The following PTK2 variants were observed in gnomAD, a reference collection of about 807,000 sequenced individuals.
PTK2 encodes the protein protein tyrosine kinase 2, also known as focal adhesion kinase 1.
A neutral mutation model predicts 150.1 loss-of-function variants in PTK2; 45 were observed. The observed-to-expected ratio is 0.30, with a 90% CI of 0.24 to 0.38. PTK2 has a LOEUF of 0.38. Among genes scored for constraint, PTK2 ranks in the 10% least tolerant of loss-of-function variants. The pLI is 1.00. For missense variants in PTK2, 919 were observed against 1,307.3 expected, an observed-to-expected ratio of 0.70 and a Z score of 4.58; for synonymous variants, 432 against 449.2, an observed-to-expected ratio of 0.96 and a Z score of 0.48.
intron 2 of PTK2, among the ~76,000 whole-genome samples, chr8:140,904,785 T>C (rs749607484): frequency 9.8e-5 from 15 of 152,340 alleles, no homozygotes; most frequent in African/African-American, 2.6e-4. Context: ...TTTATTTGCA[T>C]AGAGGTGTTT....
At chr8:140,682,890 A>C (rs549182809) in intron 27 of PTK2, among the ~76,000 whole-genome samples, 2 of 152,142 alleles carry the variant, frequency 1.3e-5, no homozygotes, top group African/African-American at 4.8e-5. Context: ...AACATCTACA[A>C]CAAAAAGTTA....
intron 14 of PTK2, among the ~76,000 whole-genome samples, chr8:140,774,855 G>C (rs2100077506): frequency 1.3e-5 from 2 of 152,202 alleles, no homozygotes; most frequent in Admixed American, 1.3e-4. Flanking sequence ...CAAATGCCAT[G>C]GCAAGGTCAG....
intron 8 of PTK2, 106 bp downstream of exon 8, chr8:140,830,366 G>A (rs1307818074): frequency 2.9e-6 from 2 of 686,624 alleles, no homozygotes; most frequent in South Asian, 3.9e-5. Flanking sequence ...TATTTTACAT[G>A]TAAGGAAGGA....
At chr8:140,907,613 G>A (rs952109638) in intron 2 of PTK2, among the ~76,000 whole-genome samples, 3 of 152,068 alleles carry the variant, frequency 2.0e-5, no homozygotes, top group South Asian at 4.2e-4. Context: ...TGCATCGAGC[G>A]AGTCTATGGG....
chr8:140,746,094 G>A (rs2100058573), intron 18 of PTK2, among the ~76,000 whole-genome samples: 1 of 152,118 alleles, frequency 6.6e-6, no homozygotes, highest in Non-Finnish European at 1.5e-5. Context: ...CACTTTGCGA[G>A]GCCGAGGCAG....
intron 16 of PTK2, among the ~76,000 whole-genome samples, chr8:140,755,427 C>T (rs1430552525): frequency 1.3e-5 from 2 of 152,122 alleles, no homozygotes; most frequent in East Asian, 1.9e-4. Context: ...CCCTCTACTC[C>T]GCGGCCACAC....
intron 10 of PTK2, among the ~76,000 whole-genome samples, chr8:140,809,798 C>T (rs930678866): frequency 3.3e-5 from 5 of 151,958 alleles, no homozygotes; most frequent in South Asian, 2.1e-4. Context: ...AGGGTGAGAC[C>T]GTGTCTCAAA....
At chr8:140,730,226 A>AT (rs2100048391) in intron 22 of PTK2, among the ~76,000 whole-genome samples, 1 of 152,212 alleles carries the variant, frequency 6.6e-6, no homozygotes, top group Admixed American at 6.5e-5. Context: ...AACACTTACT[A>AT]TATCCTCTCT....
At chr8:140,865,600 T>TATAA (rs1208173261) in intron 4 of PTK2, among the ~76,000 whole-genome samples, 1 of 152,228 alleles carries the variant, frequency 6.6e-6, no homozygotes, top group Non-Finnish European at 1.5e-5. Context: ...TGCTAAGACT[T>TATAA]ATAAATGTCC....
chr8:140,668,356 C>G (rs1421436539), exon 30 of PTK2: 2 of 1,613,974 alleles, frequency 1.2e-6, no homozygotes, highest in Admixed American at 3.3e-5. Flanking sequence ...CCGTCACATT[C>G]TCGTACACCT....
exon 6 of PTK2, chr8:140,846,658 T>C (rs758918687): frequency 1.2e-6 from 2 of 1,611,162 alleles, no homozygotes; most frequent in South Asian, 2.2e-5. Flanking sequence ...CAGCTATCTC[T>C]AACATATAAT....
intron 6 of PTK2, 72 bp from the exon 7 acceptor site, chr8:140,846,394 G>A (rs1265727973): frequency 1.4e-6 from 2 of 1,465,350 alleles, no homozygotes; most frequent in Admixed American, 1.8e-5. Context: ...ATAAAAACTG[G>A]GGGAGAGGCA....
intron 1 of PTK2, among the ~76,000 whole-genome samples, chr8:140,962,694 T>C (rs1172888347): frequency 2.0e-5 from 3 of 151,674 alleles, no homozygotes; most frequent in Non-Finnish European, 4.4e-5. Flanking sequence ...AGGCAGAGAA[T>C]GGCGTGAATC....
chr8:140,760,709 A>G (rs924377407), intron 16 of PTK2, among the ~76,000 whole-genome samples: 1 of 152,228 alleles, frequency 6.6e-6, no homozygotes, highest in Non-Finnish European at 1.5e-5. Context: ...GTACACTTCA[A>G]AAGAGTGAAC....
chr8:140,984,249 TAAC>T (rs2100192501), intron 1 of PTK2: 1 of 152,506 alleles, frequency 6.6e-6, no homozygotes. Context: ...TTAGAAAACT[TAAC>T]AAACAAGCCC....
intron 7 of PTK2, among the ~76,000 whole-genome samples, chr8:140,831,317 G>C (rs1423180315): frequency 6.6e-6 from 1 of 152,144 alleles, no homozygotes; most frequent in African/African-American, 2.4e-5. Flanking sequence ...TAATGCCTCT[G>C]ACGACATTAA....
intron 7 of PTK2, among the ~76,000 whole-genome samples, chr8:140,832,054 T>A (rs1351699063): frequency 6.6e-6 from 1 of 152,194 alleles, no homozygotes; most frequent in Non-Finnish European, 1.5e-5. Context: ...TATTTTCATA[T>A]CAGAGTGTTT....
rs570572604 is a variant in PTK2, at chr8:140,849,334, T to C, written c.451-2656A>G. ...TCAATGCTCCCTGTCATCTAGGCTC[T>C]AGAGAGTGTTCTCTCAAGCCACTGG... On this transcript the variant is annotated intron_variant, in intron 5 of 31. Coordinates refer to ENST00000522684, the Ensembl canonical transcript of PTK2. Among the ~76,000 whole-genome samples the C allele has an allele frequency of 4.6e-5, 7 of 152,336 alleles. No individual in the cohort carries two copies. In the South Asian group the frequency reaches 1.4e-3, roughly 32 times the overall value.
At chr8:140,977,914 T>C (rs4961310) in intron 1 of PTK2, among the ~76,000 whole-genome samples, 143,602 of 152,236 alleles carry the variant, frequency 0.94, 68,291 homozygotes, top group East Asian at 1. Flanking sequence ...GAGATATAGA[T>C]CAATGGAACA....
Sources: allele counts gnomAD v4.1 joint callset (sites outside exome capture counted in the v4.1 genomes callset), GRCh38; gene constraint gnomAD v4.1.1; transcripts MANE v1.5; gene names NCBI Gene and HGNC (gene_info 2026-07-23, HGNC 2026-07-21).